The following NAALADL2 variants were observed in gnomAD, a reference collection of about 807,000 sequenced individuals.
NAALADL2 encodes inactive N-acetylated-alpha-linked acidic dipeptidase-like protein 2.
A neutral mutation model predicts 87.2 loss-of-function variants in NAALADL2; 76 were observed. The ratio of observed to expected loss-of-function variants is 0.87; its 90% CI spans 0.72 to 1.05. The LOEUF (loss-of-function observed/expected upper bound fraction) is 1.05, where lower values mean the gene tolerates loss of function less well. Ranked by LOEUF, NAALADL2 falls within the 50% of genes least tolerant of loss-of-function variation. NAALADL2 has a pLI of 0.00. For missense variants in NAALADL2, 1,089 were observed against 945.8 expected, an observed-to-expected ratio of 1.15 and a Z score of -1.99; for synonymous variants, 354 against 331.0, an observed-to-expected ratio of 1.07 and a Z score of -0.75.
At chr3:174,872,033 A>G (rs1727893050) in intron 1 of NAALADL2, among the ~76,000 whole-genome samples, 2 of 152,178 alleles carry the variant, frequency 1.3e-5, no homozygotes, top group Non-Finnish European at 2.9e-5. Context: ...TTGAAATTAC[A>G]GGCTTTAAGG....
At chr3:174,675,841 C>G (rs1726990756) in intron 2 of NAALADL2, among the ~76,000 whole-genome samples, 1 of 151,986 alleles carries the variant, frequency 6.6e-6, no homozygotes, top group Non-Finnish European at 1.5e-5. Context: ...TTACTGAGAA[C>G]AATATATTTA....
At chr3:175,105,135 C>T (rs1200594389) in intron 2 of NAALADL2, among the ~76,000 whole-genome samples, 1 of 152,074 alleles carries the variant, frequency 6.6e-6, no homozygotes, top group Non-Finnish European at 1.5e-5. Flanking sequence ...GGCTCAGGTG[C>T]CCACTCCTTC....
chr3:174,954,021 C>T (rs1279482243), intron 1 of NAALADL2, among the ~76,000 whole-genome samples: 1 of 152,042 alleles, frequency 6.6e-6, no homozygotes, highest in East Asian at 1.9e-4. Context: ...TTTAATGCCA[C>T]CGTTCCTTGG....
chr3:174,503,652 G>C (rs1425887698), intron 1 of NAALADL2, among the ~76,000 whole-genome samples: 2 of 152,038 alleles, frequency 1.3e-5, no homozygotes, highest in African/African-American at 4.8e-5. Context: ...TACTAGAAAT[G>C]CTATGCATGC....
chr3:175,509,836 C>CT (rs1049302855), intron 9 of NAALADL2, among the ~76,000 whole-genome samples: 33 of 149,372 alleles, frequency 2.2e-4, no homozygotes, highest in East Asian at 1.7e-3. Context: ...CATCCTTTTT[C>CT]TTTTTTTTCT....
At position 174,987,827 on chromosome 3, in the gene NAALADL2, T is replaced by TATATATATATAA. The variant is rs1222203525; in HGVS notation, c.44-108962_44-108961insTATATATATAAA. ...ATATATATAATTATATATATATATA[T>TATATATATATAA]AATGAGACCTTGTCTCTCCAAGGTC... On this transcript the variant is annotated intron_variant, in intron 1 of 13. Transcript: ENST00000454872. 5.9e-3 allele frequency among the ~76,000 whole-genome samples: 764 copies of TATATATATATAA among 130,482 alleles called. 55 individuals carry two copies. Among genetic ancestry groups the TATATATATATAA allele is most frequent in the African/African-American group, 0.027 (738 of 27,090 alleles). The allele number at this position is 130,482 out of a possible 152,430, so 85.6% of individuals were successfully genotyped here.
At chr3:175,149,676 A>G (rs1257805012) in intron 2 of NAALADL2, among the ~76,000 whole-genome samples, 1 of 152,176 alleles carries the variant, frequency 6.6e-6, no homozygotes, top group East Asian at 1.9e-4. Context: ...GTGATATTAA[A>G]TTTTAGAGTT....
At chr3:175,623,462 AG>A (rs1326845659) in intron 10 of NAALADL2, among the ~76,000 whole-genome samples, 2 of 152,064 alleles carry the variant, frequency 1.3e-5, no homozygotes, top group African/African-American at 2.4e-5. Flanking sequence ...TGGGGATTAT[AG>A]TGTGATAGTT....
chr3:175,322,068 C>T (rs996053216), intron 4 of NAALADL2, among the ~76,000 whole-genome samples: 21 of 151,188 alleles, frequency 1.4e-4, no homozygotes, highest in South Asian at 4.2e-4. Context: ...GGAGGCATCA[C>T]GCTACCTGAC....
At chr3:175,087,427 A>C (rs1335522823) in intron 1 of NAALADL2, among the ~76,000 whole-genome samples, 1 of 152,230 alleles carries the variant, frequency 6.6e-6, no homozygotes, top group Admixed American at 6.5e-5. Context: ...GCTCATTGAG[A>C]ACGGGCCATG....
intron 5 of NAALADL2, among the ~76,000 whole-genome samples, chr3:175,384,783 CTTAATTTATTT>C (rs1768174759): frequency 2.0e-5 from 3 of 148,978 alleles, no homozygotes; most frequent in African/African-American, 4.9e-5. Flanking sequence ...TTTTATTTTA[CTTAATTTATTT>C]TTAATTTATT....
At chr3:174,577,503 G>A (rs1047014507) in intron 2 of NAALADL2, among the ~76,000 whole-genome samples, 7 of 152,114 alleles carry the variant, frequency 4.6e-5, no homozygotes, top group Admixed American at 4.6e-4. Flanking sequence ...AATGTAATAA[G>A]AAATGTGTAA....
chr3:174,508,390 G>A lies in NAALADL2; in HGVS notation c.-183-42179G>A, dbSNP rs551262478. ...GGCCTCCCAAAGTGCCAGGAATAGAGGCGTGTGCCACCGCACCCGGTCCCT... is the reference window on the plus strand; with the variant it reads ...GGCCTCCCAAAGTGCCAGGAATAGAAGCGTGTGCCACCGCACCCGGTCCCT... On this transcript the variant is annotated intron_variant, in intron 1 of 3. Transcript: ENST00000434257. Among the ~76,000 whole-genome samples, 249 of 152,240 alleles carry A rather than the reference G, an allele frequency of 1.6e-3. 1 individual carries two copies. Among genetic ancestry groups the A allele is most frequent in the African/African-American group, 5.9e-3 (245 of 41,538 alleles).
chr3:175,665,607 C>T (rs925767259), intron 11 of NAALADL2, among the ~76,000 whole-genome samples: 13 of 152,042 alleles, frequency 8.6e-5, no homozygotes, highest in African/African-American at 2.9e-4. Context: ...TAATAGCTCT[C>T]CAGTTCATTA....
At chr3:175,729,606 A>G (rs1328524855) in intron 11 of NAALADL2, among the ~76,000 whole-genome samples, 1 of 152,118 alleles carries the variant, frequency 6.6e-6, no homozygotes, top group African/African-American at 2.4e-5. Flanking sequence ...TCTGTACCTC[A>G]CTTCCAATTT....
At chr3:175,549,218 TAAA>T (rs1300421242) in intron 9 of NAALADL2, among the ~76,000 whole-genome samples, 52 of 151,964 alleles carry the variant, frequency 3.4e-4, no homozygotes, top group African/African-American at 1.2e-3. Context: ...CATTACTCTG[TAAA>T]TAATACACCA....
intron 1 of NAALADL2, among the ~76,000 whole-genome samples, chr3:175,058,110 T>C (rs981056141): frequency 6.6e-6 from 1 of 152,236 alleles, no homozygotes; most frequent in Non-Finnish European, 1.5e-5. Flanking sequence ...GGTAAACTTC[T>C]ATTACGAGAA....
intron 1 of NAALADL2, among the ~76,000 whole-genome samples, chr3:174,503,477 T>C (rs1358518336): frequency 6.6e-6 from 1 of 152,166 alleles, no homozygotes. Context: ...TATTTATTTT[T>C]GGAGATCTGA....
At chr3:175,526,450 T>C (rs1370282422) in intron 9 of NAALADL2, among the ~76,000 whole-genome samples, 1 of 152,230 alleles carries the variant, frequency 6.6e-6, no homozygotes, top group African/African-American at 2.4e-5. Flanking sequence ...TTAAATCATT[T>C]AGATTTTGCT....
Sources: gnomAD v4.1 joint callset for allele counts (sites outside exome capture counted in the v4.1 genomes callset) on GRCh38, gnomAD v4.1.1 for gene constraint, MANE v1.5 for transcripts, NCBI Gene and HGNC (gene_info 2026-07-23, HGNC 2026-07-21) for gene names.